XRN1: variants seen among roughly 807,000 people sequenced by gnomAD.
XRN1 encodes the protein 5'-3' exoribonuclease 1, also known as strand-exchange protein 1 homolog.
XRN1 carries 67 observed loss-of-function variants against 222.3 expected under a neutral mutation model. That is an observed-to-expected ratio of 0.30 (90% CI 0.25 to 0.37). The LOEUF (loss-of-function observed/expected upper bound fraction) is 0.37. Ranked by LOEUF, XRN1 falls within the 10% of genes least tolerant of loss-of-function variation. XRN1 has a pLI of 1.00. For synonymous variants in XRN1, 643 were observed against 652.4 expected (o/e 0.99, Z 0.22); for missense variants, 1,707 against 2,000.2 (o/e 0.85, Z 2.80).
intron 20 of XRN1, among the ~76,000 whole-genome samples, chr3:142,392,076 G>C (rs1463093724): frequency 2.0e-5 from 3 of 151,426 alleles, no homozygotes; most frequent in Non-Finnish European, 4.4e-5. Context: ...TTATCTGAAG[G>C]TTCCACCACT....
rs763349931 is a variant in XRN1 at position 142,347,476 on chromosome 3, G to C, written c.3769-134C>G. On this transcript the variant is annotated intron_variant, in intron 32 of 40. Transcript: ENST00000392981. The stretch of plus-strand genomic sequence containing the variant: ...AAAAAACTTAATACAGAAAAGTATA[G>C]AGACTTTTAAAGCCACTTGAACTCT... The C allele has an allele frequency of 1.6e-4, 90 of 551,886 alleles. 1 individual carries two copies. Among genetic ancestry groups the C allele is most frequent in the Admixed American group, 5.4e-4 (14 of 26,094 alleles). 34.2% of individuals were successfully genotyped at this position (551,886 alleles called of 1,614,324 possible).
At chr3:142,385,615 A>G (rs75494337) in intron 20 of XRN1, among the ~76,000 whole-genome samples, 1 of 152,178 alleles carries the variant, frequency 6.6e-6, no homozygotes, top group East Asian at 1.9e-4. Flanking sequence ...TGTAAAGTCT[A>G]CAAAGCCTAA....
intron 34 of XRN1, 114 bp from the exon 35 acceptor site, chr3:142,333,203 G>T: frequency 8.3e-7 from 1 of 1,207,486 alleles, no homozygotes; most frequent in Admixed American, 2.9e-5. Flanking sequence ...CATCTTCCCA[G>T]GTGTTAAAGT....
rs2065051570 is a variant in XRN1, at chr3:142,310,466, A to G, written c.*1045T>C. The G allele has an allele frequency of 6.6e-6, 1 of 152,610 alleles. No individual in the cohort carries two copies. The highest frequency in any genetic ancestry group is 1.5e-5 in the Non-Finnish European group (1 of 68,024). 9.5% of individuals were successfully genotyped at this position (152,610 alleles called of 1,614,324 possible). On this transcript the variant is annotated 3_prime_UTR_variant, in exon 41 of 41. Transcript: ENST00000392981. ...GAATCCCAGCATCATTGAACAGTTC[A>G]GCATAAAGCTAAAAATATAGAATCA...
chr3:142,314,014 A>C (rs1272569587), intron 39 of XRN1, among the ~76,000 whole-genome samples: 1 of 152,224 alleles, frequency 6.6e-6, no homozygotes, highest in Admixed American at 6.5e-5. Context: ...GTCTATTTAA[A>C]AGATGCTATG....
chr3:142,443,856 A>G (rs1207667038), intron 1 of XRN1, among the ~76,000 whole-genome samples: 2 of 152,260 alleles, frequency 1.3e-5, no homozygotes, highest in African/African-American at 4.8e-5. Context: ...ATGAATGGAT[A>G]AAGAAAATGT....
chr3:142,324,074 G>A (rs147123426), intron 37 of XRN1, among the ~76,000 whole-genome samples: 10 of 146,950 alleles, frequency 6.8e-5, no homozygotes, highest in Non-Finnish European at 1.2e-4. Flanking sequence ...ATATTATTGG[G>A]TTTTTTTTCA....
chr3:142,346,985 C>G (rs1389603313), intron 33 of XRN1, among the ~76,000 whole-genome samples: 1 of 152,136 alleles, frequency 6.6e-6, no homozygotes, highest in African/African-American at 2.4e-5. Flanking sequence ...AGAAAGTAAA[C>G]TATGGGTTGC....
At chr3:142,431,893 A>T (rs1213531840) in intron 2 of XRN1, among the ~76,000 whole-genome samples, 366 of 30,274 alleles carry the variant, frequency 0.012, 15 homozygotes, top group African/African-American at 0.067. Context: ...ATTATATATA[A>T]TATATATATT....
At chr3:142,319,483 TTC>T (rs1482459066) in intron 37 of XRN1, among the ~76,000 whole-genome samples, 1 of 152,212 alleles carries the variant, frequency 6.6e-6, no homozygotes, top group Non-Finnish European at 1.5e-5. Flanking sequence ...TACTTTAATT[TTC>T]TGTTTTATAA....
chr3:142,405,078 T>C lies in XRN1; in HGVS notation c.1714-2A>G. 6.2e-7 allele frequency: 1 copy of C among 1,613,568 alleles called. No homozygotes were observed. The highest frequency in any genetic ancestry group is 8.5e-7 in the Non-Finnish European group (1 of 1,179,596). On this transcript the variant is annotated splice_acceptor_variant, in intron 15 of 40. Transcript: ENST00000392981. LOFTEE classifies it high-confidence loss of function. ...CTCCATGGCTTCCAATAATCGCTTC[T>C]GAATATAAGGATTGAAGAGAAGGGT...
intron 39 of XRN1, chr3:142,313,149 A>C: frequency 6.2e-7 from 1 of 1,612,932 alleles, no homozygotes; most frequent in Non-Finnish European, 8.5e-7. Context: ...CCCCCAATGC[A>C]TAGTTGCTTC....
intron 29 of XRN1, among the ~76,000 whole-genome samples, chr3:142,364,513 G>A (rs1444534310): frequency 6.6e-6 from 1 of 151,834 alleles, no homozygotes; most frequent in African/African-American, 2.4e-5. Flanking sequence ...ACACTGTTGT[G>A]CAACAGATTG....
chr3:142,412,417 T>C, intron 15 of XRN1, 127 bp downstream of exon 15: 13 of 1,288,934 alleles, frequency 1.0e-5, no homozygotes, highest in Non-Finnish European at 1.3e-5. Context: ...ATGCACATAA[T>C]GAAGAGGGTA....
chr3:142,328,558 G>C (rs1193843796), intron 37 of XRN1, among the ~76,000 whole-genome samples: 2 of 150,206 alleles, frequency 1.3e-5, no homozygotes, highest in Non-Finnish European at 1.5e-5. Context: ...CTTAACATTT[G>C]GTTTATCCTT....
At chr3:142,317,661 G>T (rs1241492939) in intron 39 of XRN1, among the ~76,000 whole-genome samples, 1 of 152,090 alleles carries the variant, frequency 6.6e-6, no homozygotes, top group African/African-American at 2.4e-5. Context: ...GGGAAGACGG[G>T]GGTAGTCTCA....
intron 32 of XRN1, among the ~76,000 whole-genome samples, 193 bp from the exon 33 acceptor site, chr3:142,347,535 CTAGA>C (rs1426847730): frequency 2.6e-5 from 4 of 151,880 alleles, no homozygotes; most frequent in Admixed American, 6.6e-5. Flanking sequence ...GATCATCACT[CTAGA>C]TATTTTTTCT....
At chr3:142,366,641 A>C (rs367670237) in intron 27 of XRN1, among the ~76,000 whole-genome samples, 7 of 152,192 alleles carry the variant, frequency 4.6e-5, no homozygotes, top group African/African-American at 1.7e-4. Context: ...GGGAGACATT[A>C]CAATTTTAAT....
intron 33 of XRN1, among the ~76,000 whole-genome samples, chr3:142,345,490 T>G (rs2066119960): frequency 4.6e-5 from 7 of 152,222 alleles, no homozygotes; most frequent in Admixed American, 4.6e-4. Context: ...GATTAGGGAA[T>G]GGTTTCTTAG....
Sources: gnomAD v4.1 joint callset for allele counts (sites outside exome capture counted in the v4.1 genomes callset) on GRCh38, gnomAD v4.1.1 for gene constraint, MANE v1.5 for transcripts, NCBI Gene and HGNC (gene_info 2026-07-23, HGNC 2026-07-21) for gene names.